Variants in AP2A2 observed in about 807,000 individuals in gnomAD.
AP2A2 encodes AP-2 complex subunit alpha-2.
A neutral mutation model predicts 104.2 loss-of-function variants in AP2A2; 32 were observed. The ratio of observed to expected loss-of-function variants is 0.31; its 90% CI spans 0.23 to 0.41. AP2A2 has a LOEUF of 0.41. AP2A2 is among the 10% of genes least tolerant of loss of function. The pLI, the probability that AP2A2 is intolerant of heterozygous loss-of-function variation, is 1.00. For missense variants in AP2A2, 912 were observed against 1,261.0 expected (o/e 0.72, Z 4.19); for synonymous variants, 539 against 533.3 (o/e 1.01, Z -0.15).
In AP2A2 at chr11:992,761, G is replaced by T. The variant is rs1855703631; in HGVS notation, c.1452+76G>T. The T allele has an allele frequency of 1.3e-6, 2 of 1,553,544 alleles. No individual in the cohort carries two copies. Among genetic ancestry groups the T allele is most frequent in the African/African-American group, 1.4e-5 (1 of 73,854 alleles). On this transcript the variant is annotated intron_variant, in intron 11 of 21. Transcript: ENST00000448903. This position sits in a 1 kb window ranked among gnomAD's most constrained non-coding sequence, Gnocchi z 6.4. ...GGTGAGCAGTGAGTGGTTCCAGCCT[G>T]CCTGCGTGGAGGTGCCGAGGGCCGT...
chr11:934,204 G>A (rs1434083577), intron 1 of AP2A2, among the ~76,000 whole-genome samples: 1 of 152,166 alleles, frequency 6.6e-6, no homozygotes, highest in African/African-American at 2.4e-5. Flanking sequence ...CCTGCTGGGT[G>A]CGTTCTTAGG....
chr11:955,076 G>C (rs1308808184), intron 1 of AP2A2, among the ~76,000 whole-genome samples: 2 of 152,202 alleles, frequency 1.3e-5, no homozygotes, highest in Non-Finnish European at 2.9e-5. Context: ...TTCTTTCCCT[G>C]GTGTTTGGGT....
rs1413110371 is a variant in AP2A2, at chr11:977,194, A to T, written c.573A>T (p.Arg191=). Residue 191 remains arginine, a synonymous_variant, in exon 5 of 22, where the codon CGA becomes CGT. Coordinates refer to ENST00000448903, the MANE Select transcript of AP2A2 (RefSeq NM_012305.4). ...DLVPMGDWTS[R]VVHLLNDQHL... is the part of the protein sequence containing the mutation. ...TCCCCATGGGCGACTGGACATCCCG[A>T]GTGGTGCACCTGCTCAATGACCAGC... 6.2e-7 allele frequency: 1 copy of T among 1,609,642 alleles called. No homozygotes were observed. Among genetic ancestry groups the T allele is most frequent in the Non-Finnish European group, 8.5e-7 (1 of 1,177,212 alleles).
At chr11:960,124 G>C (rs929905974) in intron 2 of AP2A2, among the ~76,000 whole-genome samples, 3 of 152,156 alleles carry the variant, frequency 2.0e-5, no homozygotes, top group African/African-American at 7.2e-5. Flanking sequence ...CGGGGAGAGG[G>C]CTGAGCCTGA....
At chr11:984,618 T>C in intron 6 of AP2A2, 27 bp from the exon 7 acceptor site, 1 of 1,560,732 alleles carries the variant, frequency 6.4e-7, no homozygotes, top group African/African-American at 1.4e-5. Flanking sequence ...TCCGGCAGCG[T>C]GTCTCATTGC....
intron 16 of AP2A2, among the ~76,000 whole-genome samples, chr11:1,005,043 A>G (rs891916009): frequency 6.6e-6 from 1 of 152,214 alleles, no homozygotes; most frequent in Non-Finnish European, 1.5e-5. Flanking sequence ...CCCATGTCCA[A>G]TGGCAGCACT....
chr11:960,950 C>T (rs972488779), intron 2 of AP2A2, among the ~76,000 whole-genome samples: 15 of 152,246 alleles, frequency 9.9e-5, no homozygotes, highest in African/African-American at 2.9e-4. Context: ...TGAGCCTCTG[C>T]GCCCGGTGTG....
In AP2A2 at chr11:995,314, G is replaced by A. The variant is rs139100133; in HGVS notation, c.1956+1069G>A. 103 of 455,964 alleles carry A rather than the reference G, an allele frequency of 2.3e-4. 2 individuals are homozygous for A. In the East Asian group the frequency reaches 6.9e-3, roughly 31 times the overall value. The allele number at this position is 455,964 out of a possible 1,614,324, so 28.2% of individuals were successfully genotyped here. A position where few individuals can be genotyped will look rare whatever the true frequency, so the allele number is the denominator to read the frequency against. The stretch of plus-strand genomic sequence containing the variant: ...ATGCGATGAGAATAATCCTGTAACA[G>A]AATGTGTCCTGTGGTATTTGTCAGG... On this transcript the variant is annotated intron_variant, in intron 14 of 21. Coordinates refer to ENST00000448903, the MANE Select transcript of AP2A2 (RefSeq NM_012305.4).
At chr11:963,108 A>G (rs1205500093) in intron 2 of AP2A2, among the ~76,000 whole-genome samples, 2 of 152,074 alleles carry the variant, frequency 1.3e-5, no homozygotes, top group Non-Finnish European at 1.5e-5. Flanking sequence ...AGTTCAGTAT[A>G]TCTAAAATTT....
At chr11:976,566 G>A (rs1589984786) in intron 4 of AP2A2, among the ~76,000 whole-genome samples, 1 of 152,192 alleles carries the variant, frequency 6.6e-6, no homozygotes, top group African/African-American at 2.4e-5. Flanking sequence ...CAAGCATGTT[G>A]GCAGCAGAGC....
In AP2A2 at chr11:993,207, A is replaced by C; in HGVS notation, c.1453-77A>C. On this transcript the variant is annotated intron_variant, in intron 11 of 21. Coordinates refer to ENST00000448903, the MANE Select transcript of AP2A2 (RefSeq NM_012305.4). This position sits in a 1 kb window ranked among gnomAD's most constrained non-coding sequence, Gnocchi z 8.2. ...AGGGGCTGGTGCTGGTGTAGGGTGC[A>C]CCGCGCCAGGACGTGCCCGCCTCGC... The C allele has an allele frequency of 5.1e-6, 6 of 1,175,490 alleles. No homozygotes were observed. The highest frequency in any genetic ancestry group is 5.9e-6 in the Non-Finnish European group (5 of 844,918). The allele number at this position is 1,175,490 out of a possible 1,614,324, so 72.8% of individuals were successfully genotyped here. A position where few individuals can be genotyped will look rare whatever the true frequency, so the allele number is the denominator to read the frequency against.
chr11:1,005,110 T>TA, intron 16 of AP2A2, among the ~76,000 whole-genome samples: 1 of 152,320 alleles, frequency 6.6e-6, no homozygotes, highest in African/African-American at 2.4e-5. Flanking sequence ...GATGCCTAAT[T>TA]AAACGAAATG....
At chr11:959,375 G>A in intron 1 of AP2A2, 62 bp from the exon 2 acceptor site, 1 of 1,158,640 alleles carries the variant, frequency 8.6e-7, no homozygotes, top group South Asian at 1.3e-5. Flanking sequence ...AGTCTTATCA[G>A]GGAAATGGTG....
intron 1 of AP2A2, among the ~76,000 whole-genome samples, chr11:940,137 A>G (rs2134479191): frequency 6.6e-6 from 1 of 151,440 alleles, no homozygotes; most frequent in South Asian, 2.1e-4. Flanking sequence ...TGTTTTTTGT[A>G]GAGACGGGGT....
At chr11:972,500 G>A (rs1854868675) in intron 4 of AP2A2, among the ~76,000 whole-genome samples, 2 of 152,132 alleles carry the variant, frequency 1.3e-5, no homozygotes, top group African/African-American at 4.8e-5. Context: ...TTCAAGACCA[G>A]CCTGGGCAAC....
chr11:937,263 G>A (rs1231992478), intron 1 of AP2A2, among the ~76,000 whole-genome samples: 8 of 151,742 alleles, frequency 5.3e-5, no homozygotes, highest in Non-Finnish European at 8.8e-5. Context: ...TAGGTGATCC[G>A]CCCGCTTCGG....
chr11:985,902 C>T (rs757762782), intron 8 of AP2A2, among the ~76,000 whole-genome samples: 6 of 152,202 alleles, frequency 3.9e-5, no homozygotes, highest in South Asian at 2.1e-4. Context: ...GGGGGGTGTG[C>T]GCGCATGTCC....
intron 2 of AP2A2, among the ~76,000 whole-genome samples, chr11:966,353 C>G (rs896545231): frequency 6.6e-6 from 1 of 152,176 alleles, no homozygotes; most frequent in African/African-American, 2.4e-5. Context: ...AAAAAATTAG[C>G]CGTGTGTGGT....
intron 1 of AP2A2, among the ~76,000 whole-genome samples, chr11:931,155 C>T (rs903621152): frequency 1.3e-5 from 2 of 152,110 alleles, no homozygotes; most frequent in African/African-American, 4.8e-5. Flanking sequence ...TTTTTTCCCC[C>T]TCAGTACAGT....
Sources: allele counts gnomAD v4.1 joint callset (sites outside exome capture counted in the v4.1 genomes callset), GRCh38; gene constraint gnomAD v4.1.1; non-coding constraint Gnocchi (gnomAD v3.1); transcripts MANE v1.5; gene names NCBI Gene and HGNC (gene_info 2026-07-23, HGNC 2026-07-21).